Variants in PLA1A observed in about 807,000 individuals in gnomAD.
The protein encoded by PLA1A is phosphatidylserine-specific phospholipase A1alpha.
Under a neutral mutation model 49.4 loss-of-function variants are expected in PLA1A, and 47 were observed. The observed-to-expected ratio is 0.95, with a 90% CI of 0.75 to 1.21. The LOEUF (loss-of-function observed/expected upper bound fraction) is 1.21. Ranked by LOEUF, PLA1A falls within the 50% of genes most tolerant of loss-of-function variation. PLA1A has a pLI of 0.00. For synonymous variants in PLA1A, 224 were observed against 207.9 expected, an observed-to-expected ratio of 1.08 and a Z score of -0.67; for missense variants, 561 against 563.9, an observed-to-expected ratio of 0.99 and a Z score of 0.05.
chr3:119,622,549 G>T (rs1202874075), intron 8 of PLA1A, among the ~76,000 whole-genome samples: 1 of 152,146 alleles, frequency 6.6e-6, no homozygotes. Flanking sequence ...TAACCCCAGG[G>T]AGCTCAGATG....
intron 1 of PLA1A, among the ~76,000 whole-genome samples, chr3:119,604,591 G>T (rs1238280103): frequency 6.6e-6 from 1 of 152,148 alleles, no homozygotes; most frequent in African/African-American, 2.4e-5. Flanking sequence ...AGTAGATTGT[G>T]GCTCTCAGAG....
At chr3:119,618,219 A>T (rs1353798798) in intron 7 of PLA1A, 33 bp downstream of exon 7, 1 of 1,566,384 alleles carries the variant, frequency 6.4e-7, no homozygotes, top group African/African-American at 1.4e-5. Flanking sequence ...TCCTTTGACA[A>T]TGTGGGGAAG....
Position 119,618,149 on chromosome 3 carries a change from T to A in PLA1A, c.885T>A (p.Asp295Glu). ...YKAFLAGRCL[D>E]CFNPFLLSCP... ...CCTTCCTTGCTGGACGCTGTCTGGA[T>A]TGCTTTAACCCTTTTCTGCTTTCCT... Residue 295 changes from aspartate to glutamate, a missense_variant, in exon 7 of 11, where the codon GAT becomes GAA. Asp to Glu is a conservative substitution (Grantham distance 45). Transcript: ENST00000273371. 1.9e-6 allele frequency: 3 copies of A among 1,614,136 alleles called. No homozygotes were observed. Among genetic ancestry groups the A allele is most frequent in the South Asian group, 1.1e-5 (1 of 91,070 alleles).
intron 5 of PLA1A, among the ~76,000 whole-genome samples, chr3:119,615,131 C>T (rs1430199676): frequency 6.6e-6 from 1 of 152,176 alleles, no homozygotes; most frequent in Non-Finnish European, 1.5e-5. Flanking sequence ...AAATAATACA[C>T]AATCAATTTC....
chr3:119,619,942 G>A lies in PLA1A; in HGVS notation c.1012+290G>A, dbSNP rs370781592. 7 of 455,514 alleles carry A rather than the reference G, an allele frequency of 1.5e-5. 1 individual carries two copies. The highest frequency in any genetic ancestry group is 1.0e-4 in the East Asian group (2 of 19,318). The allele number at this position is 455,514 out of a possible 1,614,324, so 28.2% of individuals were successfully genotyped here. On this transcript the variant is annotated intron_variant, in intron 8 of 10. Transcript: ENST00000273371. Reference sequence around the variant, plus strand: ...CGAGTGATGTTTAGGAGTGTCCTCCGGCTGCCTCCTTTCTGCACTCTCATT... The same window carrying A: ...CGAGTGATGTTTAGGAGTGTCCTCCAGCTGCCTCCTTTCTGCACTCTCATT...
intron 1 of PLA1A, among the ~76,000 whole-genome samples, chr3:119,601,326 GC>G (rs2082616018): frequency 6.6e-6 from 1 of 152,200 alleles, no homozygotes; most frequent in African/African-American, 2.4e-5. Flanking sequence ...ACCATGAGCA[GC>G]CCAGGCGGGT....
At chr3:119,617,909 T>C (rs774183256) in intron 6 of PLA1A, 110 bp from the exon 7 acceptor site, 5 of 753,122 alleles carry the variant, frequency 6.6e-6, no homozygotes, top group East Asian at 2.6e-5. Flanking sequence ...GGGACTCCCA[T>C]GCATGTATTT....
chr3:119,600,985 C>T (rs982590197), intron 1 of PLA1A, among the ~76,000 whole-genome samples: 2 of 152,206 alleles, frequency 1.3e-5, no homozygotes, highest in African/African-American at 4.8e-5. Context: ...TGGGAGGGGG[C>T]CTCCGCCCTC....
chr3:119,616,197 G>T (rs762093575), intron 6 of PLA1A, 96 bp downstream of exon 6: 9 of 760,146 alleles, frequency 1.2e-5, no homozygotes, highest in South Asian at 1.2e-4. Flanking sequence ...GCCATAGAGG[G>T]TCTACTTGAC....
At chr3:119,623,018 G>A (rs779094350) in intron 8 of PLA1A, among the ~76,000 whole-genome samples, 18 of 152,046 alleles carry the variant, frequency 1.2e-4, no homozygotes, top group East Asian at 3.9e-4. Context: ...TAGTAGAGAC[G>A]GTGTTTCACC....
At position 119,597,953 on chromosome 3, in the gene PLA1A, G is replaced by A; in HGVS notation, c.40G>A (p.Gly14Ser). 2 of 1,610,650 alleles carry A rather than the reference G, an allele frequency of 1.2e-6. No individual in the cohort carries two copies. Among genetic ancestry groups the A allele is most frequent in the Non-Finnish European group, 1.7e-6 (2 of 1,178,398 alleles). Reference sequence around the variant, plus strand: ...CTGGGAGAGCTGCTTCTGGGTGGGGGGCCTCATTTTGTGGCTCAGCGTTGG... The same window carrying A: ...CTGGGAGAGCTGCTTCTGGGTGGGGAGCCTCATTTTGTGGCTCAGCGTTGG... ...GPWESCFWVG[G>S]LILWLSVGSS... The change falls in exon 1 of 11, where the codon GGC (glycine) becomes AGC (serine). Residue 14 changes from glycine (G) to serine (S), a missense_variant. By Grantham distance (56) the Gly-to-Ser change is moderately conservative. Transcript: ENST00000273371.
intron 5 of PLA1A, 48 bp from the exon 6 acceptor site, chr3:119,615,964 G>A (rs2082842033): frequency 1.6e-6 from 2 of 1,276,094 alleles, no homozygotes; most frequent in Non-Finnish European, 2.3e-6. Context: ...TCCGCTGTGA[G>A]CCGACCCCCT....
intron 9 of PLA1A, among the ~76,000 whole-genome samples, chr3:119,627,862 T>A (rs910754500): frequency 7.2e-5 from 11 of 152,164 alleles, no homozygotes; most frequent in Admixed American, 2.6e-4. Context: ...ATCTCACGAT[T>A]TTTTGCTTTT....
chr3:119,611,491 G>T (rs566669664), intron 4 of PLA1A, among the ~76,000 whole-genome samples: 95 of 152,264 alleles, frequency 6.2e-4, no homozygotes, highest in African/African-American at 2.0e-3. Flanking sequence ...AAAAAGCATA[G>T]AATACCTTTC....
intron 8 of PLA1A, among the ~76,000 whole-genome samples, chr3:119,622,350 C>T (rs2082952420): frequency 6.6e-6 from 1 of 152,134 alleles, no homozygotes. Flanking sequence ...TTCCACATTG[C>T]AAATATCATC....
intron 2 of PLA1A, among the ~76,000 whole-genome samples, chr3:119,608,220 AAGAAAGAG>A (rs1284761641): frequency 5.0e-5 from 4 of 80,692 alleles, no homozygotes; most frequent in African/African-American, 1.8e-4. Context: ...GAAAGAAAGA[AAGAAAGAG>A]AGAGAAAGAA....
chr3:119,599,893 T>C (rs949864248), intron 1 of PLA1A, among the ~76,000 whole-genome samples: 3 of 152,338 alleles, frequency 2.0e-5, no homozygotes, highest in East Asian at 3.8e-4. Flanking sequence ...ATTAAGTTAA[T>C]GTTCCTTATT....
In PLA1A at chr3:119,629,303, A is replaced by G. The variant is rs1355757543; in HGVS notation, c.1287-81A>G. On this transcript the variant is annotated intron_variant, in intron 10 of 10. Transcript: ENST00000273371. The stretch of plus-strand genomic sequence containing the variant: ...TGATTGCAGATTTCTTTCACCAGAC[A>G]TCATGGGAATTCAAAAGCCACACAA... 5 of 830,572 alleles carry G rather than the reference A, an allele frequency of 6.0e-6. No homozygotes were observed. In the East Asian group the frequency reaches 1.2e-4, roughly 20 times the overall value. 51.5% of individuals were successfully genotyped at this position (830,572 alleles called of 1,614,324 possible).
At chr3:119,628,052 C>T (rs919900008) in intron 9 of PLA1A, among the ~76,000 whole-genome samples, 7 of 152,170 alleles carry the variant, frequency 4.6e-5, no homozygotes, top group African/African-American at 1.7e-4. Context: ...AACTGGATGC[C>T]ATTTTCACTC....
Sources: gnomAD v4.1 joint callset for allele counts (sites outside exome capture counted in the v4.1 genomes callset) on GRCh38, gnomAD v4.1.1 for gene constraint, MANE v1.5 for transcripts, NCBI Gene and HGNC (gene_info 2026-07-23, HGNC 2026-07-21) for gene names.